Variants in IFT88 observed in about 807,000 individuals in gnomAD.
The protein encoded by IFT88 is intraflagellar transport 88.
Under a neutral mutation model 119.5 loss-of-function variants are expected in IFT88, and 74 were observed. The ratio of observed to expected loss-of-function variants is 0.62; its 90% CI spans 0.51 to 0.75. The LOEUF (loss-of-function observed/expected upper bound fraction) is 0.75. Among genes scored for constraint, IFT88 ranks in the 30% least tolerant of loss-of-function variants. The probability of loss-of-function intolerance (pLI) is 0.00; values close to 1 mark genes in which losing one functional copy is unlikely to be tolerated. For synonymous variants in IFT88, 279 were observed against 316.7 expected (o/e 0.88, Z 1.26); for missense variants, 961 against 977.7 (o/e 0.98, Z 0.23).
intron 24 of IFT88, among the ~76,000 whole-genome samples, chr13:20,681,148 G>C (rs2057282861): frequency 6.6e-6 from 1 of 152,210 alleles, no homozygotes; most frequent in African/African-American, 2.4e-5. Flanking sequence ...ATTCCATATA[G>C]AGAAAAATGT....
intron 20 of IFT88, among the ~76,000 whole-genome samples, chr13:20,645,419 C>G (rs1335540805): frequency 6.6e-6 from 1 of 152,082 alleles, no homozygotes; most frequent in East Asian, 1.9e-4. Flanking sequence ...ATATTTTATT[C>G]CATTTTACTT....
chr13:20,634,689 C>T (rs1405062927), intron 16 of IFT88, among the ~76,000 whole-genome samples: 1 of 150,940 alleles, frequency 6.6e-6, no homozygotes, highest in Non-Finnish European at 1.5e-5. Flanking sequence ...GATCGTGCCA[C>T]TGCATTCCAG....
chr13:20,625,810 C>A lies in IFT88; in HGVS notation c.1260C>A (p.Asn420Lys). ...YVELANDLEI[N>K]KAVTYLRQKD... ...AGCTAGCCAATGATCTGGAAATAAA[C>A]AAAGCAGTTACATACTTGAGACAAA... Residue 420 changes from asparagine to lysine, a missense_variant, in exon 15 of 26, where the codon AAC (asparagine) becomes AAA (lysine). By Grantham distance (94) the Asn-to-Lys change is moderately conservative. Transcript: ENST00000351808. The A allele has an allele frequency of 6.2e-7, 1 of 1,603,398 alleles. No homozygotes were observed. The highest frequency in any genetic ancestry group is 8.5e-7 in the Non-Finnish European group (1 of 1,177,464).
At chr13:20,618,426 A>G (rs1281196936) in intron 14 of IFT88, among the ~76,000 whole-genome samples, 1 of 152,192 alleles carries the variant, frequency 6.6e-6, no homozygotes, top group African/African-American at 2.4e-5. Flanking sequence ...TACCAGTGGT[A>G]TGACTGCATA....
rs117489849 is a variant in IFT88 at position 20,596,604 on chromosome 13, A to G, written c.489+364A>G. Among the ~76,000 whole-genome samples the G allele has an allele frequency of 1.1e-4, 17 of 152,276 alleles. 1 individual carries two copies. The East Asian group carries it at 2.7e-3, about 24-fold the overall frequency. On this transcript the variant is annotated intron_variant, in intron 8 of 25. Coordinates refer to ENST00000351808, the MANE Select transcript of IFT88 (RefSeq NM_006531.5). ...GCTGTTTTCTTCTTGAAGTCTCTCT[A>G]CTATCAAATATTTTTTCCTAAGTAA...
At chr13:20,609,274 C>T (rs543163974) in intron 13 of IFT88, among the ~76,000 whole-genome samples, 1 of 152,266 alleles carries the variant, frequency 6.6e-6, no homozygotes, top group African/African-American at 2.4e-5. Context: ...TCAAAATGGA[C>T]ACAATTGCTG....
At chr13:20,613,677 A>G (rs1323028327) in intron 13 of IFT88, among the ~76,000 whole-genome samples, 1 of 57,408 alleles carries the variant, frequency 1.7e-5, no homozygotes, top group Non-Finnish European at 6.5e-5. Flanking sequence ...AAATAATCCA[A>G]ATGTGCAACA....
chr13:20,571,379 AT>A (rs1429524499), intron 1 of IFT88, among the ~76,000 whole-genome samples: 1 of 152,210 alleles, frequency 6.6e-6, no homozygotes, highest in Non-Finnish European at 1.5e-5. Context: ...AAGAAAATAC[AT>A]TTCTTGAATA....
chr13:20,647,526 T>C (rs1331240036), intron 20 of IFT88, among the ~76,000 whole-genome samples: 3 of 152,348 alleles, frequency 2.0e-5, no homozygotes, highest in East Asian at 1.9e-4. Context: ...TTTTTAATAA[T>C]ATGATGTTTT....
chr13:20,609,814 A>T (rs1296767038), intron 13 of IFT88, among the ~76,000 whole-genome samples: 1 of 152,124 alleles, frequency 6.6e-6, no homozygotes, highest in Admixed American at 6.5e-5. Context: ...TTTGGCAGAA[A>T]TCACATCAGG....
intron 2 of IFT88, among the ~76,000 whole-genome samples, chr13:20,582,041 T>C (rs2038784244): frequency 6.6e-6 from 1 of 152,080 alleles, no homozygotes; most frequent in East Asian, 1.9e-4. Context: ...TTTAAAATAA[T>C]TGACAAGTGT....
In IFT88 at chr13:20,601,796, G is replaced by T. The variant is rs1397086115; in HGVS notation, c.904G>T (p.Ala302Ser). The stretch of plus-strand genomic sequence containing the variant: ...TTCATATGAGCACATAATGAGCATG[G>T]CACCAAATCTGAAGGCAGGCTACAA... The part of the protein sequence containing the change: ...INSYEHIMSM[A>S]PNLKAGYNLT... The change falls in exon 12 of 26, where the codon GCA becomes TCA. Residue 302 changes from alanine (A) to serine (S), a missense_variant. By Grantham distance (99) the Ala-to-Ser change is moderately conservative. Transcript: ENST00000351808. 1 of 1,613,454 alleles carries T rather than the reference G, an allele frequency of 6.2e-7. No homozygotes were observed. Among genetic ancestry groups the T allele is most frequent in the Non-Finnish European group, 8.5e-7 (1 of 1,179,460 alleles).
At chr13:20,597,480 C>A (rs1043312936) in intron 9 of IFT88, among the ~76,000 whole-genome samples, 1 of 152,062 alleles carries the variant, frequency 6.6e-6, no homozygotes, top group Non-Finnish European at 1.5e-5. Flanking sequence ...TGCCGTGGCT[C>A]ACGCCTGTAA....
chr13:20,573,865 T>G (rs931921017), intron 1 of IFT88, among the ~76,000 whole-genome samples: 1 of 152,226 alleles, frequency 6.6e-6, no homozygotes, highest in Non-Finnish European at 1.5e-5. Context: ...TGCCTGTCAC[T>G]GTTCTTTCAG....
intron 19 of IFT88, among the ~76,000 whole-genome samples, chr13:20,643,994 CT>C (rs1477223973): frequency 6.6e-6 from 1 of 152,156 alleles, no homozygotes; most frequent in African/African-American, 2.4e-5. Context: ...CTCAGGTGAT[CT>C]GCCTGCCTCA....
rs140279679 is a variant in IFT88 at position 20,656,424 on chromosome 13, G to A, written c.2062G>A (p.Val688Ile). 5.4e-6 allele frequency: 8 copies of A among 1,490,932 alleles called. No individual in the cohort carries two copies. The African/African-American group carries it at 8.4e-5, about 16-fold the overall frequency. 92.4% of individuals were successfully genotyped at this position (1,490,932 alleles called of 1,614,324 possible). A position where few individuals can be genotyped will look rare whatever the true frequency, so the allele number is the denominator to read the frequency against. The part of the protein sequence containing the change: ...KDTHRKFPEN[V>I]ECLRFLVRLC... ...TACTCACAGAAAATTTCCAGAAAATGTCGAATGTAAGTGGCATTACATAAT... is the reference window on the plus strand; with the variant it reads ...TACTCACAGAAAATTTCCAGAAAATATCGAATGTAAGTGGCATTACATAAT... The change falls in exon 22 of 26, where the codon GTC (valine) becomes ATC (isoleucine). Residue 688 changes from valine to isoleucine, a missense_variant. By Grantham distance (29) the Val-to-Ile change is conservative. Coordinates refer to ENST00000351808, the MANE Select transcript of IFT88 (RefSeq NM_006531.5).
chr13:20,569,756 C>T (rs866436014), intron 1 of IFT88, among the ~76,000 whole-genome samples: 56 of 145,674 alleles, frequency 3.8e-4, no homozygotes, highest in Non-Finnish European at 7.2e-4. Context: ...TGGCCGGGCG[C>T]GGTGGTTCAC....
At chr13:20,636,271 G>A (rs1442048953) in intron 16 of IFT88, among the ~76,000 whole-genome samples, 1 of 152,146 alleles carries the variant, frequency 6.6e-6, no homozygotes, top group East Asian at 1.9e-4. Context: ...TTTACAAAAG[G>A]TGTTACAGCC....
chr13:20,644,745 C>A lies in IFT88; in HGVS notation c.1834-98C>A, dbSNP rs1394717103. ...GTTCATACTCCTTTATTAAGAAATT[C>A]CATATTGGATAAATTTATTCAATAG... On this transcript the variant is annotated intron_variant, in intron 19 of 25. Transcript: ENST00000351808. The A allele has an allele frequency of 1.3e-5, 8 of 599,880 alleles. No individual in the cohort carries two copies. In the South Asian group the frequency reaches 1.7e-4, roughly 13 times the overall value. 37.2% of individuals were successfully genotyped at this position (599,880 alleles called of 1,614,324 possible). A position where few individuals can be genotyped will look rare whatever the true frequency, so the allele number is the denominator to read the frequency against.
Sources: gnomAD v4.1 joint callset for allele counts (sites outside exome capture counted in the v4.1 genomes callset) on GRCh38, gnomAD v4.1.1 for gene constraint, MANE v1.5 for transcripts, NCBI Gene and HGNC (gene_info 2026-07-23, HGNC 2026-07-21) for gene names.